Variants in OPCML observed in about 807,000 individuals in gnomAD.
OPCML encodes opioid binding protein/cell adhesion molecule like.
In OPCML, 13 loss-of-function variants were observed where a neutral mutation model predicts 37.8. The observed-to-expected ratio is 0.34, with a 90% CI of 0.22 to 0.55. The LOEUF (loss-of-function observed/expected upper bound fraction) is 0.55. Among genes scored for constraint, OPCML ranks in the 20% least tolerant of loss-of-function variants. The probability of loss-of-function intolerance (pLI) is 0.91; values close to 1 mark genes in which losing one functional copy is unlikely to be tolerated. For synonymous variants in OPCML, 176 were observed against 168.8 expected (o/e 1.04, Z -0.33); for missense variants, 341 against 435.6 (o/e 0.78, Z 1.93).
intron 2 of OPCML, among the ~76,000 whole-genome samples, chr11:132,725,965 G>A (rs971273909): frequency 1.3e-5 from 2 of 152,100 alleles, no homozygotes; most frequent in African/African-American, 4.8e-5. Flanking sequence ...GACCACCTCA[G>A]CCTGGACTTT....
At chr11:133,127,699 G>T (rs1282654206) in intron 1 of OPCML, among the ~76,000 whole-genome samples, 2 of 151,326 alleles carry the variant, frequency 1.3e-5, no homozygotes, top group African/African-American at 4.9e-5. Flanking sequence ...ACAGGCTTGT[G>T]CTACTAGGGA....
intron 1 of OPCML, among the ~76,000 whole-genome samples, chr11:133,179,126 G>A (rs1007193265): frequency 6.6e-6 from 1 of 152,124 alleles, no homozygotes; most frequent in Non-Finnish European, 1.5e-5. Flanking sequence ...TGGAGGCAAT[G>A]TCTAATTTTT....
intron 4 of OPCML, among the ~76,000 whole-genome samples, chr11:132,488,679 A>G (rs2096207305): frequency 6.6e-6 from 1 of 152,222 alleles, no homozygotes; most frequent in Non-Finnish European, 1.5e-5. Flanking sequence ...CTTTAGTCAT[A>G]CATTAGTCTT....
Position 132,553,902 on chromosome 11 carries a change from G to GA in OPCML, c.380-24717dup, listed in dbSNP as rs527735048. On this transcript the variant is annotated intron_variant, in intron 3 of 7. Coordinates refer to ENST00000524381, the MANE Select transcript of OPCML (RefSeq NM_001012393.5). The stretch of plus-strand genomic sequence containing the variant: ...TGGTTTTGAATGCAAAATGAGAAGA[G>GA]AAAAGATATTAATTTGGAAACCATG... Among the ~76,000 whole-genome samples the GA allele has an allele frequency of 4.9e-4, 74 of 152,298 alleles. No individual in the cohort carries two copies. In the South Asian group the frequency reaches 0.015, roughly 30 times the overall value.
chr11:133,024,986 GCC>G (rs1947524706), intron 1 of OPCML: 2 of 985,262 alleles, frequency 2.0e-6, no homozygotes, highest in African/African-American at 3.5e-5. Flanking sequence ...TTAACACACT[GCC>G]CTGATAATTC....
intron 1 of OPCML, among the ~76,000 whole-genome samples, chr11:133,448,281 C>T (rs1229544099): frequency 6.6e-6 from 1 of 152,166 alleles, no homozygotes; most frequent in Non-Finnish European, 1.5e-5. Context: ...TTATCATTTG[C>T]TGAAAAGATT....
At chr11:132,898,520 A>C (rs1156920429) in intron 2 of OPCML, among the ~76,000 whole-genome samples, 1 of 152,150 alleles carries the variant, frequency 6.6e-6, no homozygotes, top group Non-Finnish European at 1.5e-5. Context: ...CAGAACAATA[A>C]AATGGCCTTT....
chr11:132,921,715 G>A (rs1307168109), intron 2 of OPCML, among the ~76,000 whole-genome samples: 1 of 152,108 alleles, frequency 6.6e-6, no homozygotes, highest in Non-Finnish European at 1.5e-5. Context: ...AACCCTTAAT[G>A]ACTACATTTG....
chr11:133,267,946 T>C (rs1456118637), intron 1 of OPCML, among the ~76,000 whole-genome samples: 113 of 152,218 alleles, frequency 7.4e-4, no homozygotes, highest in Admixed American at 7.4e-3. Flanking sequence ...CTTTATAAAT[T>C]ATCCAGTCTC....
At chr11:133,431,653 C>T (rs188039968) in intron 1 of OPCML, among the ~76,000 whole-genome samples, 22 of 151,742 alleles carry the variant, frequency 1.4e-4, no homozygotes, top group South Asian at 6.2e-4. Context: ...TTAGTAGAGA[C>T]GGGGTTTCTC....
At chr11:133,197,858 G>A (rs1938597669) in intron 1 of OPCML, among the ~76,000 whole-genome samples, 1 of 152,124 alleles carries the variant, frequency 6.6e-6, no homozygotes, top group Admixed American at 6.5e-5. Flanking sequence ...CAAAGAACGG[G>A]TGAAAAAGGG....
chr11:133,176,886 C>T (rs1010812565), intron 1 of OPCML, among the ~76,000 whole-genome samples: 82 of 152,238 alleles, frequency 5.4e-4, no homozygotes, highest in Non-Finnish European at 9.3e-4. Flanking sequence ...AACTCTGCAG[C>T]TGTCCGGCTA....
intron 2 of OPCML, among the ~76,000 whole-genome samples, chr11:132,667,107 C>T (rs1942259358): frequency 6.6e-6 from 1 of 152,172 alleles, no homozygotes; most frequent in African/African-American, 2.4e-5. Flanking sequence ...CTTTAACGAA[C>T]TTTGATGTCA....
At chr11:133,150,220 A>G (rs1209466673) in intron 1 of OPCML, among the ~76,000 whole-genome samples, 10 of 152,240 alleles carry the variant, frequency 6.6e-5, no homozygotes, top group Non-Finnish European at 1.2e-4. Flanking sequence ...CATGCTAGTA[A>G]TAATCACAAA....
intron 1 of OPCML, among the ~76,000 whole-genome samples, chr11:133,126,722 A>T (rs1949522537): frequency 6.6e-6 from 1 of 152,138 alleles, no homozygotes; most frequent in Non-Finnish European, 1.5e-5. Context: ...TCTTTCTGGG[A>T]GAACAATGAA....
At chr11:133,433,909 A>G (rs1031978926) in intron 1 of OPCML, among the ~76,000 whole-genome samples, 3 of 152,196 alleles carry the variant, frequency 2.0e-5, no homozygotes, top group Admixed American at 1.3e-4. Flanking sequence ...ATCAGAAGCC[A>G]TCCTAGGGCA....
At chr11:132,845,900 G>T (rs1406970527) in intron 2 of OPCML, among the ~76,000 whole-genome samples, 1 of 152,122 alleles carries the variant, frequency 6.6e-6, no homozygotes, top group Admixed American at 6.5e-5. Context: ...CCATCCTGAT[G>T]CCTGGCTGGG....
At chr11:133,235,541 G>A (rs1366114318) in intron 1 of OPCML, among the ~76,000 whole-genome samples, 3 of 152,202 alleles carry the variant, frequency 2.0e-5, no homozygotes, top group Non-Finnish European at 4.4e-5. Flanking sequence ...GAATGCTTGT[G>A]TCAGCACCAG....
intron 1 of OPCML, among the ~76,000 whole-genome samples, chr11:133,227,364 T>A (rs1940084046): frequency 6.6e-6 from 1 of 152,224 alleles, no homozygotes; most frequent in South Asian, 2.1e-4. Context: ...TCATCACCAC[T>A]AATAGGATGT....
Sources: allele counts gnomAD v4.1 joint callset (sites outside exome capture counted in the v4.1 genomes callset), GRCh38; gene constraint gnomAD v4.1.1; transcripts MANE v1.5; gene names NCBI Gene and HGNC (gene_info 2026-07-23, HGNC 2026-07-21).